Variants in CHERP observed in about 807,000 individuals in gnomAD.
CHERP encodes ERPROT 213-21.
CHERP carries 8 observed loss-of-function variants against 113.8 expected under a neutral mutation model. The ratio of observed to expected loss-of-function variants is 0.07; its 90% CI spans 0.04 to 0.13. The LOEUF (loss-of-function observed/expected upper bound fraction) is 0.13. Ranked by LOEUF, CHERP falls within the 10% of genes least tolerant of loss-of-function variation. CHERP has a pLI of 1.00. For missense variants in CHERP, 884 were observed against 1,298.2 expected (o/e 0.68, Z 4.90); for synonymous variants, 559 against 524.5 (o/e 1.07, Z -0.90).
intron 1 of CHERP, 121 bp from the exon 2 acceptor site, chr19:16,542,164 C>T: frequency 2.4e-6 from 3 of 1,241,910 alleles, no homozygotes; most frequent in South Asian, 3.1e-5. Flanking sequence ...CCCGAAGAGG[C>T]CGCCCTTGTA....
At position 16,520,817 on chromosome 19, in the gene CHERP, C is replaced by T. The variant is rs368871313; in HGVS notation, c.2201+9G>A. ...GCCCCCCGGCCACTGCAGACATCTG[C>T]GCTTTTACCTGTTCCTCTTCTCCTG... On this transcript the variant is annotated intron_variant, in intron 13 of 16. Transcript: ENST00000546361. The surrounding 1 kb of genome is among the most constrained non-coding windows in gnomAD (Gnocchi z 4.0). 1.3e-4 allele frequency: 205 copies of T among 1,613,314 alleles called. No individual in the cohort carries two copies. The South Asian group carries it at 1.4e-3, about 11-fold the overall frequency.
At chr19:16,536,519 C>A (rs530553960) in intron 2 of CHERP, among the ~76,000 whole-genome samples, 4 of 152,146 alleles carry the variant, frequency 2.6e-5, no homozygotes, top group Non-Finnish European at 5.9e-5. Flanking sequence ...TGGAAGGTGT[C>A]GCCCCTCACT....
Position 16,535,590 on chromosome 19 carries a change from C to A in CHERP, c.246G>T (p.Met82Ile). ...QTPELEPAAT[M>I]PPLPQPPLAP... is the part of the protein sequence containing the mutation. ...CCAGCGGGGGCTGTGGCAGGGGTGG[C>A]ATGGTGGCGGCTGGCTCCAGCTCCG... Residue 82 changes from methionine (M) to isoleucine (I), a missense_variant, in exon 3 of 17, where the codon ATG (methionine) becomes ATT (isoleucine). This residue lies in a region of CHERP where 109 missense variants were observed against 134.2 expected (regional missense o/e 0.81). Transcript: ENST00000546361. The surrounding 1 kb of genome is among the most constrained non-coding windows in gnomAD (Gnocchi z 4.3). 1 of 1,549,370 alleles carries A rather than the reference C, an allele frequency of 6.5e-7. No homozygotes were observed. The highest frequency in any genetic ancestry group is 8.7e-7 in the Non-Finnish European group (1 of 1,148,824).
At chr19:16,524,611 G>A (rs995386808) in intron 10 of CHERP, among the ~76,000 whole-genome samples, 1 of 151,500 alleles carries the variant, frequency 6.6e-6, no homozygotes, top group East Asian at 1.9e-4. Flanking sequence ...AAAGATACTA[G>A]GCATGGTGGC....
chr19:16,535,752 G>A lies in CHERP; in HGVS notation c.200-116C>T, dbSNP rs1217539435. The stretch of plus-strand genomic sequence containing the variant: ...CTCCCCAGGGACTCACCATCCACGA[G>A]GGCCTGTTCATAGCCTCATGCCCAC... On this transcript the variant is annotated intron_variant, in intron 2 of 16. Coordinates refer to ENST00000546361, the MANE Select transcript of CHERP (RefSeq NM_006387.6). This position sits in a 1 kb window ranked among gnomAD's most constrained non-coding sequence, Gnocchi z 4.3. 1 of 1,027,272 alleles carries A rather than the reference G, an allele frequency of 9.7e-7. No homozygotes were observed. Among genetic ancestry groups the A allele is most frequent in the South Asian group, 1.7e-5 (1 of 59,242 alleles). The allele number at this position is 1,027,272 out of a possible 1,614,324, so 63.6% of individuals were successfully genotyped here. A position where few individuals can be genotyped will look rare whatever the true frequency, so the allele number is the denominator to read the frequency against.
In CHERP at chr19:16,519,584, G is replaced by T; in HGVS notation, c.2557+37C>A. 6.4e-7 allele frequency: 1 copy of T among 1,564,178 alleles called. No individual in the cohort carries two copies. The highest frequency in any genetic ancestry group is 1.1e-5 in the South Asian group (1 of 89,968). On this transcript the variant is annotated intron_variant, in intron 16 of 16. Transcript: ENST00000546361. The surrounding 1 kb of genome is among the most constrained non-coding windows in gnomAD (Gnocchi z 6.0). Reference sequence around the variant, plus strand: ...TGACTCCCGGGCCCAGCACGCGTGAGGACCCATCCCGCGCCCTCCCCATTC... The same window carrying T: ...TGACTCCCGGGCCCAGCACGCGTGATGACCCATCCCGCGCCCTCCCCATTC...
At chr19:16,521,688 G>C in intron 11 of CHERP, 34 bp from the exon 12 acceptor site, 1 of 1,525,388 alleles carries the variant, frequency 6.6e-7, no homozygotes, top group Non-Finnish European at 8.8e-7. Context: ...CACCATGCCT[G>C]GGCAGAGCCC....
At position 16,529,742 on chromosome 19, in the gene CHERP, C is replaced by G; in HGVS notation, c.1035G>C (p.Pro345=). 2 of 1,610,922 alleles carry G rather than the reference C, an allele frequency of 1.2e-6. No individual in the cohort carries two copies. The highest frequency in any genetic ancestry group is 1.7e-6 in the Non-Finnish European group (2 of 1,179,540). ...TGGCCTTGACTTCAGCCTCCATCTG[C>G]GGCATCTGGAGCTGCTGCTGCTGCT... The part of the protein sequence containing the change: ...QQQQQQQLQM[P]QMEAEVKATP... Residue 345 remains proline, a synonymous_variant, in exon 8 of 17, where the codon CCG becomes CCC. Transcript: ENST00000546361.
At chr19:16,540,531 CCTGA>C (rs909286549) in intron 2 of CHERP, among the ~76,000 whole-genome samples, 11 of 151,520 alleles carry the variant, frequency 7.3e-5, no homozygotes, top group South Asian at 2.1e-4. Context: ...TGCCACCACA[CCTGA>C]CTAAGTTTTG....
chr19:16,519,707 G>A lies in CHERP; in HGVS notation c.2471C>T (p.Ala824Val). The change falls in exon 16 of 17, where the codon GCT (alanine) becomes GTT (valine). Residue 824 changes from alanine to valine, a missense_variant. Transcript: ENST00000546361. The surrounding 1 kb of genome is among the most constrained non-coding windows in gnomAD (Gnocchi z 6.0). ...RSRSPTPPSS[A>V]GLGSNSAPPI... ...AGGCGCCGAATTAGAACCCAGACCA[G>A]CAGAGGAACTAAAATCGAGACAGGT... 2 of 1,613,380 alleles carry A rather than the reference G, an allele frequency of 1.2e-6. No individual in the cohort carries two copies. Among genetic ancestry groups the A allele is most frequent in the Middle Eastern group, 1.7e-4 (1 of 6,060 alleles).
At chr19:16,521,222 GGAA>G (rs1329421378) in intron 12 of CHERP, 4 of 572,858 alleles carry the variant, frequency 7.0e-6, no homozygotes, top group African/African-American at 1.9e-5. Flanking sequence ...GCCCAGCACA[GGAA>G]GGAGGGGTGA....
chr19:16,522,073 T>C (rs2122246095), intron 11 of CHERP, among the ~76,000 whole-genome samples: 1 of 151,772 alleles, frequency 6.6e-6, no homozygotes, highest in East Asian at 1.9e-4. Flanking sequence ...CTTCTTCTGC[T>C]CCGTCTCTGT....
chr19:16,533,353 T>C (rs2085719976), intron 3 of CHERP, among the ~76,000 whole-genome samples: 1 of 152,154 alleles, frequency 6.6e-6, no homozygotes, highest in Admixed American at 6.5e-5. Context: ...CAGTCCCTCC[T>C]GGAGTGGGCA....
At position 16,520,181 on chromosome 19, in the gene CHERP, T is replaced by G. The variant is rs1434150626; in HGVS notation, c.2430A>C (p.Arg810Ser). Residue 810 changes from arginine (R) to serine (S), a missense_variant, in exon 15 of 17, where the codon AGA (arginine) becomes AGC (serine). Arg to Ser is a moderately radical substitution (Grantham distance 110). This residue lies in a region of CHERP where 159 missense variants were observed against 185.8 expected (regional missense o/e 0.86). Coordinates refer to ENST00000546361, the MANE Select transcript of CHERP (RefSeq NM_006387.6). This position sits in a 1 kb window ranked among gnomAD's most constrained non-coding sequence, Gnocchi z 4.0. ...SRSKSYSPGR[R>S]RRSRSRSPTP... ...TGGGGCTCCTGGACCGTGACCGGCG[T>G]CTTCTTCCTGGGGAGTACGACTTGG... The G allele has an allele frequency of 1.9e-6, 3 of 1,612,504 alleles. No homozygotes were observed. Among genetic ancestry groups the G allele is most frequent in the Admixed American group, 1.7e-5 (1 of 59,978 alleles).
Position 16,532,562 on chromosome 19 carries a change from G to C in CHERP, c.674+36C>G. ...CAGGAGGGTTGAGGAGGAGCGCGAG[G>C]AAGTGGCGCTCTGGGCACGGGGTGG... is the stretch of plus-strand genomic sequence containing the variant. On this transcript the variant is annotated intron_variant, in intron 5 of 16. Transcript: ENST00000546361. This position sits in a 1 kb window ranked among gnomAD's most constrained non-coding sequence, Gnocchi z 4.4. 2 of 1,557,944 alleles carry C rather than the reference G, an allele frequency of 1.3e-6. No homozygotes were observed. Among genetic ancestry groups the C allele is most frequent in the Non-Finnish European group, 1.7e-6 (2 of 1,151,336 alleles).
intron 10 of CHERP, among the ~76,000 whole-genome samples, chr19:16,524,705 T>G (rs575091129): frequency 3.9e-5 from 6 of 151,944 alleles, no homozygotes; most frequent in South Asian, 2.1e-4. Context: ...CTGGCCAACA[T>G]AGCAAGACCC....
Position 16,525,803 on chromosome 19 carries a change from GCGCCTCCTACGCTGA to G in CHERP, c.1306-141_1306-127del. ...GAGGCGCTGCCCTGGCCACGTTGAG[GCGCCTCCTACGCTGA>G]CGCCTGCGAGGATGCTGGGCACCTG... On this transcript the variant is annotated intron_variant, in intron 9 of 16. Coordinates refer to ENST00000546361, the MANE Select transcript of CHERP (RefSeq NM_006387.6). The surrounding 1 kb of genome is among the most constrained non-coding windows in gnomAD (Gnocchi z 6.5). The G allele has an allele frequency of 1.1e-6, 1 of 870,902 alleles. No individual in the cohort carries two copies. The highest frequency in any genetic ancestry group is 1.7e-6 in the Non-Finnish European group (1 of 604,570). 53.9% of individuals were successfully genotyped at this position (870,902 alleles called of 1,614,324 possible).
At chr19:16,528,337 A>AG in intron 8 of CHERP, 82 bp from the exon 9 acceptor site, 1 of 1,376,104 alleles carries the variant, frequency 7.3e-7, no homozygotes, top group Non-Finnish European at 9.8e-7. Flanking sequence ...AGAGCAAACC[A>AG]GGCTACCGCT....
Position 16,520,314 on chromosome 19 carries a change from A to T in CHERP, c.2346-49T>A, listed in dbSNP as rs1343781305. ...TCAGCAGCAGCCAGGCGTCGTGGGG[A>T]GGCCACAGGAAGAGGCCTCAGGCAC... On this transcript the variant is annotated intron_variant, in intron 14 of 16. Transcript: ENST00000546361. This position sits in a 1 kb window ranked among gnomAD's most constrained non-coding sequence, Gnocchi z 4.0. 1 of 1,610,806 alleles carries T rather than the reference A, an allele frequency of 6.2e-7. No homozygotes were observed. Among genetic ancestry groups the T allele is most frequent in the Non-Finnish European group, 8.5e-7 (1 of 1,178,068 alleles).
Sources: gnomAD v4.1 joint callset for allele counts (sites outside exome capture counted in the v4.1 genomes callset) on GRCh38, gnomAD v4.1.1 for gene constraint, gnomAD v4.1.1 regional missense constraint, Gnocchi (gnomAD v3.1) non-coding constraint, MANE v1.5 for transcripts, NCBI Gene and HGNC (gene_info 2026-07-23, HGNC 2026-07-21) for gene names.